The following SORL1 variants were observed in gnomAD, a reference collection of about 807,000 sequenced individuals.
SORL1 encodes sortilin related receptor 1.
Under a neutral mutation model 273.7 loss-of-function variants are expected in SORL1, and 127 were observed. The observed-to-expected ratio is 0.46, with a 90% CI of 0.40 to 0.54. The LOEUF is 0.54. Ranked by LOEUF, SORL1 falls within the 20% of genes least tolerant of loss-of-function variation. The pLI is 0.00. For missense variants in SORL1, 2,494 were observed against 2,846.1 expected (o/e 0.88, Z 2.81); for synonymous variants, 1,031 against 1,067.4 (o/e 0.97, Z 0.66).
At chr11:121,498,875 C>CA (rs5795273) in intron 6 of SORL1, among the ~76,000 whole-genome samples, 105,991 of 144,526 alleles carry the variant, frequency 0.73, 40,580 homozygotes, top group Non-Finnish European at 0.87. Context: ...GACTCTGTCT[C>CA]AAAAAAAAAA....
chr11:121,505,813 G>A (rs562435528), intron 6 of SORL1, among the ~76,000 whole-genome samples: 1 of 152,134 alleles, frequency 6.6e-6, no homozygotes, highest in Admixed American at 6.5e-5. Context: ...TATGGTTTCA[G>A]TTCTTTTTAA....
chr11:121,579,091 T>C (rs1429462700), intron 25 of SORL1, among the ~76,000 whole-genome samples: 1 of 152,240 alleles, frequency 6.6e-6, no homozygotes, highest in Non-Finnish European at 1.5e-5. Context: ...TTCAGCAGCA[T>C]GTGCCGGTCT....
At position 121,550,521 on chromosome 11, in the gene SORL1, C is replaced by A; in HGVS notation, c.2181-64C>A. 1 of 1,406,640 alleles carries A rather than the reference C, an allele frequency of 7.1e-7. No homozygotes were observed. The highest frequency in any genetic ancestry group is 1.0e-6 in the Non-Finnish European group (1 of 992,604). 87.1% of individuals were successfully genotyped at this position (1,406,640 alleles called of 1,614,324 possible). On this transcript the variant is annotated intron_variant, in intron 15 of 47. Coordinates refer to ENST00000260197, the MANE Select transcript of SORL1 (RefSeq NM_003105.6). This position sits in a 1 kb window ranked among gnomAD's most constrained non-coding sequence, Gnocchi z 5.3. ...CCGTGGGTAGTAAGTGTATTCCCAG[C>A]TGGGATGCCTTTGTGGCTATTCTTC... is the stretch of plus-strand genomic sequence containing the variant.
chr11:121,582,240 GAGGACAT>G (rs1555080582), intron 25 of SORL1, among the ~76,000 whole-genome samples: 4 of 152,204 alleles, frequency 2.6e-5, no homozygotes, highest in Non-Finnish European at 5.9e-5. Context: ...TAAAATTCCT[GAGGACAT>G]CATAAACCAA....
At chr11:121,544,885 A>G (rs567251285) in intron 13 of SORL1, among the ~76,000 whole-genome samples, 61 of 152,200 alleles carry the variant, frequency 4.0e-4, no homozygotes, top group South Asian at 6.2e-4. Flanking sequence ...TTAACCCCCA[A>G]TGGTATTGCT....
chr11:121,539,767 G>C (rs957837318), intron 12 of SORL1, among the ~76,000 whole-genome samples: 23 of 152,092 alleles, frequency 1.5e-4, no homozygotes, highest in Non-Finnish European at 3.1e-4. Context: ...AGTAAAGATA[G>C]GAAGAACTGG....
chr11:121,489,299 A>T (rs1027378658), intron 4 of SORL1, among the ~76,000 whole-genome samples: 2 of 152,116 alleles, frequency 1.3e-5, no homozygotes, highest in East Asian at 3.9e-4. Flanking sequence ...GAGTATATTC[A>T]TATTGTTTTG....
chr11:121,627,762 A>C lies in SORL1; in HGVS notation c.6572A>C (p.Asp2191Ala). 6.2e-7 allele frequency: 1 copy of C among 1,612,632 alleles called. No homozygotes were observed. Among genetic ancestry groups the C allele is most frequent in the South Asian group, 1.1e-5 (1 of 91,000 alleles). ...LGSAIFSSGD[D>A]LGEDDEDAPM... ...TCCGCAATCTTCTCCTCTGGGGATG[A>C]CCTGGGTAAGTGGGGCAGGGAGAGT... Residue 2191 changes from aspartate (D) to alanine (A), a missense_variant, in exon 47 of 48, where the codon GAC (aspartate) becomes GCC (alanine). By Grantham distance (126) the Asp-to-Ala change is moderately radical (BLOSUM62 -2). Around this residue, in one of 3 missense-constraint regions of SORL1, gnomAD observed 1,609 missense variants for 1,816.4 expected, o/e 0.89. Coordinates refer to ENST00000260197, the MANE Select transcript of SORL1 (RefSeq NM_003105.6). The surrounding 1 kb of genome is among the most constrained non-coding windows in gnomAD (Gnocchi z 4.9).
chr11:121,581,557 T>A (rs948034979), intron 25 of SORL1, among the ~76,000 whole-genome samples: 6 of 151,898 alleles, frequency 4.0e-5, no homozygotes, highest in Admixed American at 2.6e-4. Flanking sequence ...AAAAAAAAAA[T>A]ATGTATTAAG....
intron 8 of SORL1, among the ~76,000 whole-genome samples, chr11:121,519,886 C>T (rs533848819): frequency 6.6e-6 from 1 of 152,190 alleles, no homozygotes; most frequent in South Asian, 2.1e-4. Flanking sequence ...ATTCTAAACC[C>T]CCTGTTAGGA....
chr11:121,468,596 T>C (rs568376072), intron 1 of SORL1, among the ~76,000 whole-genome samples: 1 of 152,286 alleles, frequency 6.6e-6, no homozygotes, highest in South Asian at 2.1e-4. Flanking sequence ...ACTTTTTGTA[T>C]TTTTAGTAGA....
chr11:121,497,481 G>A (rs1861650334), intron 6 of SORL1, among the ~76,000 whole-genome samples: 1 of 152,150 alleles, frequency 6.6e-6, no homozygotes, highest in Admixed American at 6.5e-5. Flanking sequence ...AATTTACATG[G>A]CTAATAGGAT....
chr11:121,567,457 A>G lies in SORL1; in HGVS notation c.3223+344A>G, dbSNP rs919225563. On this transcript the variant is annotated intron_variant, in intron 22 of 47. Coordinates refer to ENST00000260197, the MANE Select transcript of SORL1 (RefSeq NM_003105.6). ...CTCTCCTCACCCATCCCTCACATCC[A>G]GGTTTCTTACCTGCTCCTGTTTTGC... is the stretch of plus-strand genomic sequence containing the variant. 2.6e-5 allele frequency among the ~76,000 whole-genome samples: 4 copies of G among 152,260 alleles called. No individual in the cohort carries two copies. In the South Asian group the frequency reaches 6.2e-4, roughly 24 times the overall value.
At chr11:121,593,235 A>C (rs1317888963) in intron 31 of SORL1, among the ~76,000 whole-genome samples, 1 of 152,158 alleles carries the variant, frequency 6.6e-6, no homozygotes, top group Non-Finnish European at 1.5e-5. Flanking sequence ...GTTTCTGCAG[A>C]GTGGTTCTGA....
intron 21 of SORL1, 57 bp from the exon 22 acceptor site, chr11:121,566,883 C>G: frequency 6.6e-7 from 1 of 1,507,396 alleles, no homozygotes; most frequent in South Asian, 1.2e-5. Context: ...TTCTTGTATT[C>G]AGTACCTCCC....
chr11:121,572,564 C>G (rs1398366615), intron 23 of SORL1, among the ~76,000 whole-genome samples: 3 of 152,164 alleles, frequency 2.0e-5, no homozygotes, highest in Non-Finnish European at 4.4e-5. Flanking sequence ...GCATGTGTGT[C>G]TCCCTCATCA....
chr11:121,465,573 G>T (rs936891873), intron 1 of SORL1, among the ~76,000 whole-genome samples: 1 of 151,974 alleles, frequency 6.6e-6, no homozygotes, highest in African/African-American at 2.4e-5. Context: ...TGTCGCCCAG[G>T]CTGGAGTGCA....
At chr11:121,610,271 G>C (rs1863542895) in intron 38 of SORL1, 1 of 152,222 alleles carries the variant, frequency 6.6e-6, no homozygotes, top group Non-Finnish European at 1.5e-5. Flanking sequence ...GCCAAGCACT[G>C]TCAGCCATCT....
At chr11:121,570,079 CAA>C in intron 22 of SORL1, 76 bp from the exon 23 acceptor site, 1 of 922,250 alleles carries the variant, frequency 1.1e-6, no homozygotes, top group Non-Finnish European at 1.7e-6. Flanking sequence ...GAGGGAAACT[CAA>C]AAGAGAAAGA....
Sources: gnomAD v4.1 joint callset for allele counts (sites outside exome capture counted in the v4.1 genomes callset) on GRCh38, gnomAD v4.1.1 for gene constraint, gnomAD v4.1.1 regional missense constraint, Gnocchi (gnomAD v3.1) non-coding constraint, MANE v1.5 for transcripts, NCBI Gene and HGNC (gene_info 2026-07-23, HGNC 2026-07-21) for gene names.